Variants in PIAS2 observed in about 807,000 individuals in gnomAD.
PIAS2 encodes E3 SUMO-protein ligase PIAS2.
PIAS2 carries 19 observed loss-of-function variants against 69.7 expected under a neutral mutation model. The observed-to-expected ratio is 0.27, with a 90% CI of 0.19 to 0.40. The LOEUF is 0.40. Among genes scored for constraint, PIAS2 ranks in the 10% least tolerant of loss-of-function variants. The pLI, the probability that PIAS2 is intolerant of heterozygous loss-of-function variation, is 1.00. For missense variants in PIAS2, 624 were observed against 757.0 expected (o/e 0.82, Z 2.06); for synonymous variants, 261 against 263.2 (o/e 0.99, Z 0.08).
intron 1 of PIAS2, among the ~76,000 whole-genome samples, chr18:46,895,448 A>T (rs1474233319): frequency 2.0e-5 from 3 of 152,180 alleles, no homozygotes. Flanking sequence ...AAGCGGGCGG[A>T]TCATCTGAGG....
intron 1 of PIAS2, among the ~76,000 whole-genome samples, chr18:46,913,015 T>C (rs907279509): frequency 7.9e-5 from 12 of 152,236 alleles, no homozygotes; most frequent in Non-Finnish European, 1.5e-4. Flanking sequence ...ATATTTTGTT[T>C]CGAACGTGCT....
In PIAS2 at chr18:46,807,317, G is replaced by A. The variant is rs1315972140; in HGVS notation, c.*5116C>T. The A allele has an allele frequency of 1.6e-5, 2 of 128,830 alleles. No homozygotes were observed. The highest frequency in any genetic ancestry group is 6.1e-5 in the African/African-American group (2 of 32,746). The allele number at this position is 128,830 out of a possible 1,614,324, so 8.0% of individuals were successfully genotyped here. A position where few individuals can be genotyped will look rare whatever the true frequency, so the allele number is the denominator to read the frequency against. On this transcript the variant is annotated 3_prime_UTR_variant, in exon 14 of 14. Transcript: ENST00000585916. ...CCAGTAAAATCATGGGAAAAGCTTG[G>A]ATAGCCATACGTAGGTGTTTCTGAA...
At position 46,894,230 on chromosome 18, in the gene PIAS2, A is replaced by T. The variant is rs72913089; in HGVS notation, c.25-3176T>A. ...ATTCTACAAATATGTTGTTTGGCAA[A>T]TCTTACCAGATCCCACTTCCTCTAG... On this transcript the variant is annotated intron_variant, in intron 1 of 13. Transcript: ENST00000585916. Among the ~76,000 whole-genome samples, 1,381 of 152,276 alleles carry T rather than the reference A, an allele frequency of 9.1e-3. 21 individuals are homozygous for T. The highest frequency in any genetic ancestry group is 0.013 in the Non-Finnish European group (875 of 68,006).
intron 4 of PIAS2, 24 bp downstream of exon 4, chr18:46,855,541 G>A (rs1404420711): frequency 1.6e-5 from 26 of 1,606,810 alleles, no homozygotes; most frequent in Non-Finnish European, 2.2e-5. Flanking sequence ...ATAAAACTAA[G>A]GTAACAGAAA....
intron 1 of PIAS2, among the ~76,000 whole-genome samples, chr18:46,910,780 C>G (rs185631459): frequency 3.9e-5 from 6 of 152,170 alleles, no homozygotes; most frequent in Non-Finnish European, 1.5e-5. Flanking sequence ...ATTAGCACAC[C>G]AAGTATTTTA....
intron 11 of PIAS2, among the ~76,000 whole-genome samples, chr18:46,826,365 G>C (rs2144899042): frequency 6.6e-6 from 1 of 152,306 alleles, no homozygotes; most frequent in Non-Finnish European, 1.5e-5. Flanking sequence ...GTAAAGGACA[G>C]AGGGTAGACC....
In PIAS2 at chr18:46,880,176, C is replaced by T. The variant is rs181240911; in HGVS notation, c.499+10404G>A. ...TTTGGAAGGCCGAGACGGGAGGATCCCTTGAGCCCAGGAGTTCCTGACCAG... is the reference window on the plus strand; with the variant it reads ...TTTGGAAGGCCGAGACGGGAGGATCTCTTGAGCCCAGGAGTTCCTGACCAG... On this transcript the variant is annotated intron_variant, in intron 2 of 13. Transcript: ENST00000585916. 1.8e-4 allele frequency among the ~76,000 whole-genome samples: 27 copies of T among 151,714 alleles called. No homozygotes were observed. In the East Asian group the frequency reaches 4.1e-3, roughly 23 times the overall value.
chr18:46,851,869 T>C (rs658756), intron 5 of PIAS2, among the ~76,000 whole-genome samples: 80,236 of 152,032 alleles, frequency 0.53, 21,416 homozygotes, highest in African/African-American at 0.57. Context: ...TAAGGACTTC[T>C]TCCAGGACAC....
chr18:46,892,157 T>C (rs1003904510), intron 1 of PIAS2, among the ~76,000 whole-genome samples: 2 of 152,062 alleles, frequency 1.3e-5, no homozygotes, highest in South Asian at 2.1e-4. Flanking sequence ...ATAGTGGAAA[T>C]GTGGGGCAGT....
intron 2 of PIAS2, among the ~76,000 whole-genome samples, chr18:46,874,200 C>G (rs1568650768): frequency 6.6e-6 from 1 of 152,114 alleles, no homozygotes; most frequent in Non-Finnish European, 1.5e-5. Flanking sequence ...GAGGAAGAAC[C>G]CTGGAATAGG....
chr18:46,853,024 C>T (rs1027303370), intron 5 of PIAS2: 3 of 152,418 alleles, frequency 2.0e-5, no homozygotes, highest in Non-Finnish European at 2.9e-5. Context: ...CACCTGTAAT[C>T]CCAACACCTT....
chr18:46,811,253 T>C lies in PIAS2; in HGVS notation c.*1180A>G, dbSNP rs1023142573. 2.0e-5 allele frequency: 3 copies of C among 151,530 alleles called. No homozygotes were observed. The highest frequency in any genetic ancestry group is 4.4e-5 in the Non-Finnish European group (3 of 67,916). The allele number at this position is 151,530 out of a possible 1,614,324, so 9.4% of individuals were successfully genotyped here. Reference sequence around the variant, plus strand: ...GTTTGTAGTTTCAGGTAAGATATCATTTTAAAAAAATGAAAAAAAAAAAAA... The same window carrying C: ...GTTTGTAGTTTCAGGTAAGATATCACTTTAAAAAAATGAAAAAAAAAAAAA... On this transcript the variant is annotated 3_prime_UTR_variant, in exon 14 of 14. Transcript: ENST00000585916.
At chr18:46,863,560 A>G (rs1327247536) in intron 3 of PIAS2, among the ~76,000 whole-genome samples, 1 of 152,104 alleles carries the variant, frequency 6.6e-6, no homozygotes. Flanking sequence ...CCAAAGTGCT[A>G]GGATTACAGG....
chr18:46,807,432 C>T lies in PIAS2; in HGVS notation c.*5001G>A, dbSNP rs1279979869. On this transcript the variant is annotated 3_prime_UTR_variant, in exon 14 of 14. Transcript: ENST00000585916. ...TTTTAGAGAGTCTTGCTTTGTTACC[C>T]AGGCTGGAGTGCAGTGGCACAATCT... The T allele has an allele frequency of 6.4e-5, 6 of 93,312 alleles. No homozygotes were observed. The highest frequency in any genetic ancestry group is 1.2e-4 in the Admixed American group (1 of 8,028). 5.8% of individuals were successfully genotyped at this position (93,312 alleles called of 1,614,324 possible). A position where few individuals can be genotyped will look rare whatever the true frequency, so the allele number is the denominator to read the frequency against.
chr18:46,860,240 G>A (rs2048452434), intron 3 of PIAS2, among the ~76,000 whole-genome samples: 1 of 152,170 alleles, frequency 6.6e-6, no homozygotes, highest in Non-Finnish European at 1.5e-5. Flanking sequence ...CTGAGTATGA[G>A]AATTTCCTAA....
At chr18:46,814,661 C>A (rs1043146683) in intron 13 of PIAS2, among the ~76,000 whole-genome samples, 4 of 152,094 alleles carry the variant, frequency 2.6e-5, no homozygotes, top group Admixed American at 6.5e-5. Flanking sequence ...ATACTCAACT[C>A]CTCTCAAAGT....
intron 8 of PIAS2, among the ~76,000 whole-genome samples, chr18:46,840,703 C>T (rs2045248403): frequency 6.6e-6 from 1 of 152,134 alleles, no homozygotes; most frequent in Non-Finnish European, 1.5e-5. Flanking sequence ...TATCAATTGC[C>T]TAGTGACTAT....
intron 1 of PIAS2, among the ~76,000 whole-genome samples, chr18:46,908,583 T>C (rs1482168566): frequency 1.3e-5 from 2 of 152,168 alleles, no homozygotes; most frequent in East Asian, 1.9e-4. Flanking sequence ...CTACGTCTTA[T>C]ACTTTTACAA....
chr18:46,872,642 G>A (rs575544794), intron 2 of PIAS2, among the ~76,000 whole-genome samples: 1 of 152,290 alleles, frequency 6.6e-6, no homozygotes, highest in African/African-American at 2.4e-5. Flanking sequence ...GGAACCCAAG[G>A]TTAAGTATTT....
Sources: allele counts gnomAD v4.1 joint callset (sites outside exome capture counted in the v4.1 genomes callset), GRCh38; gene constraint gnomAD v4.1.1; transcripts MANE v1.5; gene names NCBI Gene and HGNC (gene_info 2026-07-23, HGNC 2026-07-21).